Variants in PDE4D observed in about 807,000 individuals in gnomAD.
The protein encoded by PDE4D is phosphodiesterase 4D.
PDE4D carries 24 observed loss-of-function variants against 87.4 expected under a neutral mutation model. The ratio of observed to expected loss-of-function variants is 0.27; its 90% confidence interval spans 0.20 to 0.39. The LOEUF (loss-of-function observed/expected upper bound fraction) is 0.39. Ranked by LOEUF, PDE4D falls within the 10% of genes least tolerant of loss-of-function variation. PDE4D has a pLI of 1.00. For missense variants in PDE4D, 714 were observed against 1,041.0 expected (o/e 0.69, Z 4.32); for synonymous variants, 384 against 383.2 (o/e 1.00, Z -0.02).
At chr5:59,448,666 G>A (rs1798696516) in intron 1 of PDE4D, among the ~76,000 whole-genome samples, 1 of 152,054 alleles carries the variant, frequency 6.6e-6, no homozygotes, top group South Asian at 2.1e-4. Flanking sequence ...TTTTGGCGGG[G>A]GAGGTGGAAG....
intron 1 of PDE4D, among the ~76,000 whole-genome samples, chr5:59,504,840 C>T (rs1412426823): frequency 6.6e-6 from 1 of 151,844 alleles, no homozygotes; most frequent in Non-Finnish European, 1.5e-5. Flanking sequence ...CTCTGCTCTC[C>T]CCAGAAAAAC....
At chr5:60,044,304 C>T (rs1201876928) in intron 2 of PDE4D, among the ~76,000 whole-genome samples, 1 of 151,990 alleles carries the variant, frequency 6.6e-6, no homozygotes, top group Non-Finnish European at 1.5e-5. Flanking sequence ...TAATTAAAAA[C>T]AATTTTTTAA....
intron 1 of PDE4D, among the ~76,000 whole-genome samples, chr5:60,317,130 GT>G (rs1174079648): frequency 2.0e-5 from 3 of 151,994 alleles, no homozygotes; most frequent in Admixed American, 1.3e-4. Context: ...ACTTTTTTTG[GT>G]TGATAAGCTA....
chr5:59,047,654 T>C (rs1158056424), intron 5 of PDE4D, among the ~76,000 whole-genome samples: 1 of 152,174 alleles, frequency 6.6e-6, no homozygotes. Flanking sequence ...GGAAAAACTC[T>C]CAGGAGCAAA....
rs924732990 is a variant in PDE4D, at chr5:60,183,156, C to T, written c.42+2401G>A. Among the ~76,000 whole-genome samples the T allele has an allele frequency of 8.5e-5, 13 of 152,222 alleles. No homozygotes were observed. In the East Asian group the frequency reaches 1.7e-3, roughly 20 times the overall value. On this transcript the variant is annotated intron_variant, in intron 2 of 16. Coordinates refer to the PDE4D transcript ENST00000502484. ...TCGGCAAGCCATCAGCAAACCAGGACGAGAGAGCTTACCAGGAACAAAATT... is the reference window on the plus strand; with the variant it reads ...TCGGCAAGCCATCAGCAAACCAGGATGAGAGAGCTTACCAGGAACAAAATT...
chr5:60,317,679 T>A (rs1755767865), intron 1 of PDE4D, among the ~76,000 whole-genome samples: 1 of 152,256 alleles, frequency 6.6e-6, no homozygotes, highest in Non-Finnish European at 1.5e-5. Context: ...GAGATTCTGG[T>A]ATGTTGTGTC....
In PDE4D at chr5:59,185,323, A is replaced by G. The variant is rs1245342540; in HGVS notation, c.685-61T>C. On this transcript the variant is annotated intron_variant, in intron 3 of 14. Coordinates refer to ENST00000340635, the MANE Select transcript of PDE4D (RefSeq NM_001104631.2). ...TAAGGCCATTTTAAATACACTTGAA[A>G]ATGGTTTGTTAAGAGAAAACTTGAT... The G allele has an allele frequency of 2.4e-6, 3 of 1,271,044 alleles. No individual in the cohort carries two copies. In the African/African-American group the frequency reaches 4.5e-5, roughly 19 times the overall value. 78.7% of individuals were successfully genotyped at this position (1,271,044 alleles called of 1,614,324 possible). A position where few individuals can be genotyped will look rare whatever the true frequency, so the allele number is the denominator to read the frequency against.
At chr5:59,037,749 T>C (rs1758778819) in intron 6 of PDE4D, among the ~76,000 whole-genome samples, 1 of 151,996 alleles carries the variant, frequency 6.6e-6, no homozygotes, top group Non-Finnish European at 1.5e-5. Flanking sequence ...GCACTGTTAA[T>C]AGATAAGACA....
intron 1 of PDE4D, among the ~76,000 whole-genome samples, chr5:60,205,122 A>G (rs957459615): frequency 7.2e-5 from 11 of 151,818 alleles, no homozygotes; most frequent in African/African-American, 2.7e-4. Context: ...TAAGCCTGCA[A>G]CTCTGATCCC....
chr5:60,232,096 A>G (rs1745884146), intron 1 of PDE4D, among the ~76,000 whole-genome samples: 1 of 151,940 alleles, frequency 6.6e-6, no homozygotes, highest in Admixed American at 6.6e-5. Flanking sequence ...TCTATAAAAA[A>G]GAACCACTAT....
intron 1 of PDE4D, among the ~76,000 whole-genome samples, chr5:59,640,136 G>GT (rs1443239145): frequency 6.6e-6 from 1 of 151,978 alleles, no homozygotes; most frequent in Non-Finnish European, 1.5e-5. Context: ...AGTGTCTATT[G>GT]TTTTTTGAAA....
intron 1 of PDE4D, among the ~76,000 whole-genome samples, chr5:59,856,699 C>CTAGAG (rs1209413976): frequency 6.6e-6 from 1 of 152,066 alleles, no homozygotes; most frequent in Non-Finnish European, 1.5e-5. Context: ...TGAAGTAAAT[C>CTAGAG]ATGGGGAAGC....
At chr5:59,928,868 A>G (rs909515945) in intron 3 of PDE4D, among the ~76,000 whole-genome samples, 8 of 149,958 alleles carry the variant, frequency 5.3e-5, no homozygotes, top group Admixed American at 2.0e-4. Context: ...TATATATTCT[A>G]TATACATATA....
At chr5:59,973,043 A>G (rs961511529) in intron 3 of PDE4D, among the ~76,000 whole-genome samples, 7 of 152,136 alleles carry the variant, frequency 4.6e-5, no homozygotes, top group Non-Finnish European at 8.8e-5. Context: ...ACCTCCCACC[A>G]TAGTTGCCAA....
intron 1 of PDE4D, among the ~76,000 whole-genome samples, chr5:59,875,660 A>G (rs551006505): frequency 6.6e-6 from 1 of 151,912 alleles, no homozygotes; most frequent in African/African-American, 2.4e-5. Context: ...GATGCTCATC[A>G]TATTTTCCTA....
chr5:60,039,649 A>T (rs1768237709), intron 2 of PDE4D, among the ~76,000 whole-genome samples: 5 of 152,050 alleles, frequency 3.3e-5, no homozygotes, highest in Admixed American at 1.3e-4. Context: ...GGTTCTTAGG[A>T]CCCAACTACA....
intron 1 of PDE4D, among the ~76,000 whole-genome samples, chr5:59,762,137 GAT>G (rs745825732): frequency 4.0e-5 from 6 of 151,206 alleles, no homozygotes; most frequent in Non-Finnish European, 5.9e-5. Context: ...TAGGTATATA[GAT>G]ATATATATGT....
At chr5:59,000,981 G>A (rs566574678) in intron 6 of PDE4D, among the ~76,000 whole-genome samples, 4 of 152,124 alleles carry the variant, frequency 2.6e-5, no homozygotes, top group Non-Finnish European at 4.4e-5. Flanking sequence ...GAGCCAACGT[G>A]CCCAGCCAGA....
chr5:59,907,657 T>C (rs1752985872), intron 3 of PDE4D, among the ~76,000 whole-genome samples: 1 of 152,142 alleles, frequency 6.6e-6, no homozygotes, highest in Non-Finnish European at 1.5e-5. Flanking sequence ...CATTTATAAA[T>C]AACATTCTCT....
Sources: gnomAD v4.1 joint callset for allele counts (sites outside exome capture counted in the v4.1 genomes callset) on GRCh38, gnomAD v4.1.1 for gene constraint, MANE v1.5 for transcripts, NCBI Gene and HGNC (gene_info 2026-07-23, HGNC 2026-07-21) for gene names.